The following IQCM variants were observed in gnomAD, a reference collection of about 807,000 sequenced individuals.
IQCM encodes IQ domain-containing protein M.
In IQCM, 45 loss-of-function variants were observed where a neutral mutation model predicts 57.6. The ratio of observed to expected loss-of-function variants is 0.78; its 90% confidence interval spans 0.62 to 1.00. The LOEUF is 1.00. Among genes scored for constraint, IQCM ranks in the 50% least tolerant of loss-of-function variants. The pLI is 0.00. For synonymous variants in IQCM, 148 were observed against 158.9 expected, an observed-to-expected ratio of 0.93 and a Z score of 0.51; for missense variants, 468 against 511.6, an observed-to-expected ratio of 0.91 and a Z score of 0.82.
chr4:149,474,359 G>A (rs1739939923), intron 12 of IQCM, among the ~76,000 whole-genome samples: 1 of 151,982 alleles, frequency 6.6e-6, no homozygotes, highest in Admixed American at 6.6e-5. Context: ...GAGCCCAGGA[G>A]TTCAAGACTT....
chr4:149,621,865 T>C (rs1756365843), intron 7 of IQCM, among the ~76,000 whole-genome samples: 1 of 152,104 alleles, frequency 6.6e-6, no homozygotes, highest in Non-Finnish European at 1.5e-5. Context: ...TCCTCAGAGA[T>C]ATTAATCATT....
At chr4:149,354,138 G>T (rs564600681) in intron 13 of IQCM, among the ~76,000 whole-genome samples, 1 of 151,596 alleles carries the variant, frequency 6.6e-6, no homozygotes, top group South Asian at 2.1e-4. Flanking sequence ...GCCGAGGCGG[G>T]TGGATCACGA....
chr4:149,773,548 T>A (rs1029243135), intron 2 of IQCM, among the ~76,000 whole-genome samples: 1 of 152,188 alleles, frequency 6.6e-6, no homozygotes, highest in Non-Finnish European at 1.5e-5. Context: ...AAATCCGGCA[T>A]AATGTGATGT....
intron 2 of IQCM, among the ~76,000 whole-genome samples, chr4:149,772,541 CA>C (rs144862088): frequency 6.6e-6 from 1 of 151,354 alleles, no homozygotes; most frequent in African/African-American, 2.4e-5. Context: ...ACTTTATAAA[CA>C]AAAAAATACA....
intron 5 of IQCM, among the ~76,000 whole-genome samples, chr4:149,698,469 A>G (rs1763506882): frequency 6.6e-6 from 1 of 152,140 alleles, no homozygotes; most frequent in Non-Finnish European, 1.5e-5. Context: ...GCTTAAGAAT[A>G]TAAAGTTCTC....
At chr4:149,392,258 A>G (rs1731912506) in intron 13 of IQCM, among the ~76,000 whole-genome samples, 1 of 151,886 alleles carries the variant, frequency 6.6e-6, no homozygotes, top group African/African-American at 2.4e-5. Context: ...CCTGTAAGTG[A>G]TTCTATTCAC....
At chr4:149,396,890 T>C (rs933876361) in intron 13 of IQCM, among the ~76,000 whole-genome samples, 4 of 152,024 alleles carry the variant, frequency 2.6e-5, no homozygotes, top group African/African-American at 9.7e-5. Context: ...ATTGTAGAAT[T>C]TTCTTCTTTT....
chr4:149,746,932 T>C (rs1232161988), intron 2 of IQCM, among the ~76,000 whole-genome samples: 1 of 152,124 alleles, frequency 6.6e-6, no homozygotes, highest in African/African-American at 2.4e-5. Context: ...TCTGGTCATG[T>C]CCCTAGTTGC....
chr4:149,599,294 A>C (rs182499970), intron 8 of IQCM, among the ~76,000 whole-genome samples: 112 of 152,336 alleles, frequency 7.4e-4, no homozygotes, highest in African/African-American at 2.5e-3. Flanking sequence ...ATGGATCACA[A>C]AAATACATTG....
At chr4:149,463,512 AC>A (rs1392787801) in intron 12 of IQCM, among the ~76,000 whole-genome samples, 2 of 152,150 alleles carry the variant, frequency 1.3e-5, no homozygotes, top group Non-Finnish European at 2.9e-5. Flanking sequence ...CAAACTATTT[AC>A]CTTCCATTTA....
chr4:149,573,683 C>T (rs1228660704), intron 9 of IQCM, among the ~76,000 whole-genome samples: 1 of 151,410 alleles, frequency 6.6e-6, no homozygotes, highest in Admixed American at 6.6e-5. Flanking sequence ...CACCTGTAGT[C>T]TCAGCAAGTC....
chr4:149,772,944 T>C (rs1770723385), intron 2 of IQCM, among the ~76,000 whole-genome samples: 1 of 152,208 alleles, frequency 6.6e-6, no homozygotes, highest in Non-Finnish European at 1.5e-5. Context: ...AAGCCTGTTG[T>C]ATAAAGAACT....
chr4:149,469,318 G>A (rs1448520758), intron 12 of IQCM, among the ~76,000 whole-genome samples: 6 of 152,252 alleles, frequency 3.9e-5, no homozygotes, highest in East Asian at 1.9e-4. Context: ...CAAGAACTAC[G>A]TGACGAATCC....
At chr4:149,586,880 G>A (rs1752695214) in intron 9 of IQCM, among the ~76,000 whole-genome samples, 1 of 151,582 alleles carries the variant, frequency 6.6e-6, no homozygotes, top group Non-Finnish European at 1.5e-5. Context: ...TCCATAGAAA[G>A]AGAAAAATCT....
chr4:149,780,876 A>T, intron 2 of IQCM, among the ~76,000 whole-genome samples: 1 of 152,180 alleles, frequency 6.6e-6, no homozygotes. Context: ...AATGGAATGT[A>T]TTAAATGCAC....
At chr4:149,430,226 T>G (rs548613011) in intron 13 of IQCM, among the ~76,000 whole-genome samples, 1 of 152,144 alleles carries the variant, frequency 6.6e-6, no homozygotes, top group African/African-American at 2.4e-5. Context: ...TGTGACTCTC[T>G]TTAAGTAAGT....
intron 12 of IQCM, among the ~76,000 whole-genome samples, chr4:149,520,267 G>T (rs551533092): frequency 7.0e-6 from 1 of 142,872 alleles, no homozygotes; most frequent in Non-Finnish European, 1.5e-5. Flanking sequence ...AGCAAAGGAA[G>T]TTTGAGTAAT....
At chr4:149,650,038 A>C (rs1320402609) in intron 7 of IQCM, among the ~76,000 whole-genome samples, 3 of 152,176 alleles carry the variant, frequency 2.0e-5, no homozygotes, top group African/African-American at 7.2e-5. Context: ...TATCTACCAA[A>C]AGATAGTAGG....
At chr4:149,508,896 T>G (rs911904482) in intron 12 of IQCM, among the ~76,000 whole-genome samples, 9 of 152,182 alleles carry the variant, frequency 5.9e-5, no homozygotes, top group African/African-American at 2.2e-4. Flanking sequence ...TGGGGGCAGG[T>G]CTTTCCAGTG....
Sources: gnomAD v4.1 joint callset for allele counts (sites outside exome capture counted in the v4.1 genomes callset) on GRCh38, gnomAD v4.1.1 for gene constraint, MANE v1.5 for transcripts, NCBI Gene and HGNC (gene_info 2026-07-23, HGNC 2026-07-21) for gene names.